The following PLCB1 variants were observed in gnomAD, a reference collection of about 807,000 sequenced individuals.
PLCB1 encodes phospholipase C beta 1.
In PLCB1, 46 loss-of-function variants were observed where a neutral mutation model predicts 161.8. The observed-to-expected ratio is 0.28, with a 90% CI of 0.22 to 0.36. The LOEUF (loss-of-function observed/expected upper bound fraction) is 0.36, where lower values mean the gene tolerates loss of function less well. Among genes scored for constraint, PLCB1 ranks in the 10% least tolerant of loss-of-function variants. PLCB1 has a pLI of 1.00. For missense variants in PLCB1, 1,016 were observed against 1,472.5 expected (o/e 0.69, Z 5.07); for synonymous variants, 517 against 503.7 (o/e 1.03, Z -0.35).
At chr20:8,316,944 T>G (rs1328284114) in intron 2 of PLCB1, among the ~76,000 whole-genome samples, 3 of 151,436 alleles carry the variant, frequency 2.0e-5, no homozygotes, top group Non-Finnish European at 4.4e-5. Context: ...ACTTTCTGTC[T>G]ATACCCACCC....
Position 8,727,340 on chromosome 20 carries a change from C to T in PLCB1, c.1710C>T (p.Phe570=), listed in dbSNP as rs772233698. ...ATAAAAGTTTTGAAATGTCTTCCTTCGTGGAAACCAAAGGACTTGAACAAC... is the reference window on the plus strand; with the variant it reads ...ATAAAAGTTTTGAAATGTCTTCCTTTGTGGAAACCAAAGGACTTGAACAAC... ...KRNKSFEMSS[F]VETKGLEQLT... The change falls in exon 17 of 32, where the codon TTC becomes TTT. Residue 570 remains phenylalanine, a synonymous_variant. Transcript: ENST00000338037. 29 of 1,604,946 alleles carry T rather than the reference C, an allele frequency of 1.8e-5. No homozygotes were observed. The highest frequency in any genetic ancestry group is 3.3e-4 in the Middle Eastern group (2 of 6,056).
chr20:8,853,831 G>A (rs929833597), intron 31 of PLCB1, among the ~76,000 whole-genome samples: 4 of 152,186 alleles, frequency 2.6e-5, no homozygotes, highest in African/African-American at 9.7e-5. Context: ...CTGTGCTGAG[G>A]CATTTTATGT....
At chr20:8,563,318 G>GA (rs988758061) in intron 3 of PLCB1, among the ~76,000 whole-genome samples, 4 of 151,944 alleles carry the variant, frequency 2.6e-5, no homozygotes, top group African/African-American at 7.2e-5. Flanking sequence ...AGTCTCAGCT[G>GA]AAAAAAAATT....
chr20:8,380,038 C>T (rs951274008), intron 3 of PLCB1, among the ~76,000 whole-genome samples: 4 of 152,178 alleles, frequency 2.6e-5, no homozygotes, highest in African/African-American at 9.7e-5. Context: ...AGTCTTTGCA[C>T]ATACCTATGT....
chr20:8,446,632 G>A lies in PLCB1; in HGVS notation c.246+75182G>A, dbSNP rs113266745. ...GGGAGTCAAATCGTCCCTGTTTGCA[G>A]ATGACAATTGTATATTTCGAAAACC... On this transcript the variant is annotated intron_variant, in intron 3 of 31. Transcript: ENST00000338037. Among the ~76,000 whole-genome samples, 998 of 152,286 alleles carry A rather than the reference G, an allele frequency of 6.6e-3. 10 individuals are homozygous for A. The highest frequency in any genetic ancestry group is 0.022 in the African/African-American group (894 of 41,548).
At chr20:8,247,314 CT>C (rs1252826956) in intron 2 of PLCB1, among the ~76,000 whole-genome samples, 5 of 152,058 alleles carry the variant, frequency 3.3e-5, no homozygotes, top group South Asian at 2.1e-4. Flanking sequence ...TCAGATTTCT[CT>C]TTTTTTCTTT....
At chr20:8,723,906 G>A (rs997028901) in intron 15 of PLCB1, among the ~76,000 whole-genome samples, 5 of 145,098 alleles carry the variant, frequency 3.4e-5, no homozygotes, top group Admixed American at 6.8e-5. Context: ...ACCCACCCCT[G>A]CCCATTTCCA....
chr20:8,795,737 T>C (rs1202989105), intron 31 of PLCB1, among the ~76,000 whole-genome samples: 2 of 151,776 alleles, frequency 1.3e-5, no homozygotes, highest in African/African-American at 4.8e-5. Context: ...TAGCCAGGTG[T>C]GGTGGTGGGC....
At chr20:8,678,727 C>T (rs753013200) in intron 9 of PLCB1, among the ~76,000 whole-genome samples, 5 of 152,158 alleles carry the variant, frequency 3.3e-5, no homozygotes, top group South Asian at 2.1e-4. Context: ...CTTAGCCCAT[C>T]GGCAATCAAC....
At chr20:8,177,352 C>G (rs1021966941) in intron 2 of PLCB1, among the ~76,000 whole-genome samples, 15 of 152,166 alleles carry the variant, frequency 9.9e-5, no homozygotes, top group African/African-American at 3.4e-4. Flanking sequence ...TCTTGGACTT[C>G]TCAGCCGCCA....
intron 2 of PLCB1, among the ~76,000 whole-genome samples, chr20:8,310,839 G>A (rs905763319): frequency 3.3e-5 from 5 of 152,138 alleles, no homozygotes; most frequent in African/African-American, 9.7e-5. Flanking sequence ...CTGGCTTTGT[G>A]TTAATTTGCT....
intron 3 of PLCB1, among the ~76,000 whole-genome samples, chr20:8,587,666 T>C (rs1324802985): frequency 6.6e-6 from 1 of 152,260 alleles, no homozygotes; most frequent in African/African-American, 2.4e-5. Context: ...CATTGGGTTC[T>C]GGTTTACAAC....
At chr20:8,307,849 G>A (rs953085354) in intron 2 of PLCB1, among the ~76,000 whole-genome samples, 23 of 102 alleles carry the variant, frequency 0.23, no homozygotes, top group African/African-American at 0.34. Flanking sequence ...TTGAACCTGG[G>A]AGGCAGATGT....
At chr20:8,165,554 CTT>C (rs2051666629) in intron 2 of PLCB1, among the ~76,000 whole-genome samples, 1 of 152,202 alleles carries the variant, frequency 6.6e-6, no homozygotes, top group Non-Finnish European at 1.5e-5. Flanking sequence ...CTGTCTGACT[CTT>C]TTTCCTTTCC....
intron 1 of PLCB1, among the ~76,000 whole-genome samples, chr20:8,140,135 C>T (rs1265716767): frequency 1.3e-5 from 2 of 152,190 alleles, no homozygotes; most frequent in South Asian, 2.1e-4. Flanking sequence ...GTTTGGACCC[C>T]GGGAGTTCCT....
At chr20:8,296,330 T>C (rs1983628613) in intron 2 of PLCB1, among the ~76,000 whole-genome samples, 1 of 152,148 alleles carries the variant, frequency 6.6e-6, no homozygotes, top group Non-Finnish European at 1.5e-5. Flanking sequence ...CCGTCAGTGT[T>C]CTTTCAGGAA....
chr20:8,210,109 A>C (rs937341196), intron 2 of PLCB1, among the ~76,000 whole-genome samples: 1 of 152,144 alleles, frequency 6.6e-6, no homozygotes, highest in Non-Finnish European at 1.5e-5. Flanking sequence ...TTTTAATGTG[A>C]AAAGTGTAAC....
intron 3 of PLCB1, among the ~76,000 whole-genome samples, chr20:8,548,347 CT>C (rs1985643892): frequency 7.0e-6 from 1 of 141,968 alleles, no homozygotes; most frequent in Non-Finnish European, 1.5e-5. Flanking sequence ...TTGTTTCTTT[CT>C]TTCTTTTGTC....
chr20:8,530,811 A>G (rs1984784291), intron 3 of PLCB1, among the ~76,000 whole-genome samples: 2 of 152,118 alleles, frequency 1.3e-5, no homozygotes, highest in Non-Finnish European at 2.9e-5. Context: ...TTTTATATAA[A>G]GTGTGAAACT....
Sources: gnomAD v4.1 joint callset for allele counts (sites outside exome capture counted in the v4.1 genomes callset) on GRCh38, gnomAD v4.1.1 for gene constraint, MANE v1.5 for transcripts, NCBI Gene and HGNC (gene_info 2026-07-23, HGNC 2026-07-21) for gene names.